Variants in PARVB observed in about 807,000 individuals in gnomAD.
The protein encoded by PARVB is parvin beta, also known as beta-parvin.
A neutral mutation model predicts 47.0 loss-of-function variants in PARVB; 46 were observed. The observed-to-expected ratio is 0.98, with a 90% CI of 0.77 to 1.25. The LOEUF is 1.25. PARVB is among the 50% of genes most tolerant of loss of function. PARVB has a pLI of 0.00. For synonymous variants in PARVB, 196 were observed against 196.3 expected, an observed-to-expected ratio of 1.00 and a Z score of 0.01; for missense variants, 473 against 471.6, an observed-to-expected ratio of 1.00 and a Z score of -0.03.
intron 4 of PARVB, among the ~76,000 whole-genome samples, chr22:44,122,554 C>CACAGAG (rs2053085951): frequency 1.9e-5 from 1 of 54,024 alleles, no homozygotes; most frequent in South Asian, 7.8e-4. Flanking sequence ...GAGAGAGAGA[C>CACAGAG]ACAGAGACAG....
Position 44,170,975 on chromosome 22 carries a change from C to T in PARVB, c.*2297C>T, listed in dbSNP as rs991238445. The T allele has an allele frequency of 6.6e-6, 1 of 152,204 alleles. No homozygotes were observed. The highest frequency in any genetic ancestry group is 1.5e-5 in the Non-Finnish European group (1 of 68,040). The allele number at this position is 152,204 out of a possible 1,614,324, so 9.4% of individuals were successfully genotyped here. A position where few individuals can be genotyped will look rare whatever the true frequency, so the allele number is the denominator to read the frequency against. Reference sequence around the variant, plus strand: ...AGCCATTTTGATGGAGGTGATTTCCCAGCAGGGGAAAGAAATAATTAAAAC... The same window carrying T: ...AGCCATTTTGATGGAGGTGATTTCCTAGCAGGGGAAAGAAATAATTAAAAC... On this transcript the variant is annotated 3_prime_UTR_variant, in exon 13 of 13. Coordinates refer to ENST00000338758, the MANE Select transcript of PARVB (RefSeq NM_013327.5).
chr22:44,069,095 G>A (rs2051596158), intron 1 of PARVB: 27 of 1,610,340 alleles, frequency 1.7e-5, no homozygotes, highest in South Asian at 1.2e-4. Flanking sequence ...GTGTGTGCCC[G>A]CCTGCCCTCC....
chr22:44,152,900 T>G (rs553302180), intron 10 of PARVB: 3 of 152,272 alleles, frequency 2.0e-5, no homozygotes, highest in Non-Finnish European at 4.4e-5. Flanking sequence ...CTTTTCTAAT[T>G]AAAAAACTAA....
At chr22:44,054,990 CAAAAAAAA>C (rs3083343) in intron 1 of PARVB, among the ~76,000 whole-genome samples, 28 of 70,128 alleles carry the variant, frequency 4.0e-4, no homozygotes, top group Middle Eastern at 0.022. Context: ...AACTCCATCT[CAAAAAAAA>C]AAAAAAAAAA....
intron 1 of PARVB, chr22:44,081,504 C>T: frequency 1.7e-6 from 1 of 590,658 alleles, no homozygotes; most frequent in African/African-American, 2.0e-5. Flanking sequence ...TTGGACTTCC[C>T]TGGATACATT....
intron 1 of PARVB, among the ~76,000 whole-genome samples, chr22:44,043,511 G>A (rs1435528433): frequency 2.0e-5 from 3 of 152,082 alleles, no homozygotes; most frequent in African/African-American, 7.2e-5. Flanking sequence ...CCGAGTAGCT[G>A]GGACTACAGG....
intron 1 of PARVB, among the ~76,000 whole-genome samples, chr22:44,044,670 G>A: frequency 6.6e-6 from 1 of 151,782 alleles, no homozygotes; most frequent in East Asian, 1.9e-4. Context: ...ATTTTTAGTA[G>A]AGACGGGGTT....
chr22:44,053,377 C>T (rs750190184), intron 1 of PARVB, among the ~76,000 whole-genome samples: 1 of 151,964 alleles, frequency 6.6e-6, no homozygotes, highest in East Asian at 1.9e-4. Flanking sequence ...CCACCGCGCC[C>T]AGCCTGATGT....
chr22:44,035,599 C>T lies in PARVB; in HGVS notation c.112+11148C>T, dbSNP rs531429164. Among the ~76,000 whole-genome samples, 9 of 151,910 alleles carry T rather than the reference C, an allele frequency of 5.9e-5. No homozygotes were observed. The South Asian group carries it at 1.0e-3, about 18-fold the overall frequency. ...TGGTGGCCAGGATGGTCTCGATCTC[C>T]TGACCTTGTGATCCGCCTGCCTCAG... On this transcript the variant is annotated intron_variant, in intron 1 of 12. Coordinates refer to ENST00000338758, the MANE Select transcript of PARVB (RefSeq NM_013327.5).
chr22:44,110,607 ATATTAT>A (rs1043021343), intron 3 of PARVB: 1 of 151,764 alleles, frequency 6.6e-6, no homozygotes, highest in African/African-American at 2.4e-5. Context: ...TTAATTATTA[ATATTAT>A]TATTATTTTT....
intron 1 of PARVB, among the ~76,000 whole-genome samples, chr22:44,030,661 G>A (rs1373422051): frequency 3.3e-5 from 5 of 152,144 alleles, no homozygotes; most frequent in East Asian, 3.9e-4. Flanking sequence ...GTGGGTGGGC[G>A]CAGGCGTGGC....
upstream of PARVB, among the ~76,000 whole-genome samples, chr22:44,023,066 A>G (rs911984410): frequency 6.6e-6 from 1 of 152,042 alleles, no homozygotes; most frequent in Admixed American, 6.6e-5. Context: ...TACTTCTTCA[A>G]GGCTGGGGCT....
Position 44,125,066 on chromosome 22 carries a change from G to A in PARVB, c.376+5926G>A, listed in dbSNP as rs1366628896. On this transcript the variant is annotated intron_variant, in intron 4 of 12. Transcript: ENST00000338758. The surrounding 1 kb of genome is among the most constrained non-coding windows in gnomAD (Gnocchi z 4.1). ...AGGCTTGTGACAGGTGGTGGTGAGG[G>A]TGGGGGGATGAGGTGCTGGGGAGGC... 1.3e-5 allele frequency among the ~76,000 whole-genome samples: 2 copies of A among 151,980 alleles called. No individual in the cohort carries two copies. Among genetic ancestry groups the A allele is most frequent in the East Asian group, 3.9e-4 (2 of 5,182 alleles).
intron 4 of PARVB, among the ~76,000 whole-genome samples, chr22:44,128,144 G>C (rs554326834): frequency 6.6e-6 from 1 of 152,340 alleles, no homozygotes; most frequent in African/African-American, 2.4e-5. Flanking sequence ...CACATGCCAG[G>C]TTTCTGGGGG....
At chr22:44,126,036 G>A (rs1168009409) in intron 4 of PARVB, among the ~76,000 whole-genome samples, 2 of 152,136 alleles carry the variant, frequency 1.3e-5, no homozygotes, top group Admixed American at 1.3e-4. Flanking sequence ...TTGGGAAGGC[G>A]GGGGTCTGTG....
At chr22:44,086,800 G>A (rs2052034647) in intron 1 of PARVB, 1 of 985,422 alleles carries the variant, frequency 1.0e-6, no homozygotes, top group East Asian at 1.1e-4. Flanking sequence ...CAGCTTCTAC[G>A]AAGAAACCAC....
intron 1 of PARVB, among the ~76,000 whole-genome samples, chr22:44,028,298 C>T (rs919378817): frequency 1.4e-5 from 2 of 138,754 alleles, no homozygotes; most frequent in African/African-American, 2.7e-5. Context: ...CTGGCAACCA[C>T]GGATCATTTT....
intron 2 of PARVB, among the ~76,000 whole-genome samples, chr22:44,005,778 C>A (rs572814345): frequency 1.3e-5 from 2 of 152,194 alleles, no homozygotes; most frequent in Non-Finnish European, 2.9e-5. Context: ...TCATTTACAT[C>A]GGTTGTAATC....
chr22:44,039,201 A>G (rs919651795), intron 1 of PARVB, among the ~76,000 whole-genome samples: 3 of 152,168 alleles, frequency 2.0e-5, no homozygotes, highest in Admixed American at 6.5e-5. Context: ...TCAAGTAACC[A>G]TCCTTCCTAT....
Sources: gnomAD v4.1 joint callset for allele counts (sites outside exome capture counted in the v4.1 genomes callset) on GRCh38, gnomAD v4.1.1 for gene constraint, Gnocchi (gnomAD v3.1) non-coding constraint, MANE v1.5 for transcripts, NCBI Gene and HGNC (gene_info 2026-07-23, HGNC 2026-07-21) for gene names.